The following LARGE1 variants were observed in gnomAD, a reference collection of about 807,000 sequenced individuals.
The protein encoded by LARGE1 is xylosyl- and glucuronyltransferase LARGE1.
LARGE1 carries 43 observed loss-of-function variants against 87.6 expected under a neutral mutation model. That is an observed-to-expected ratio of 0.49 (90% CI 0.38 to 0.63). The LOEUF is 0.63. Ranked by LOEUF, LARGE1 falls within the 30% of genes least tolerant of loss-of-function variation. The probability of loss-of-function intolerance (pLI) is 0.00; values close to 1 mark genes in which losing one functional copy is unlikely to be tolerated. For synonymous variants in LARGE1, 434 were observed against 394.6 expected (o/e 1.10, Z -1.18); for missense variants, 802 against 1,000.2 (o/e 0.80, Z 2.67).
chr22:33,410,464 G>A (rs1002168733), intron 7 of LARGE1, among the ~76,000 whole-genome samples: 6 of 151,988 alleles, frequency 3.9e-5, no homozygotes, highest in African/African-American at 1.5e-4. Context: ...TCGTGACAGT[G>A]AGTGAGTTCT....
At chr22:33,611,223 T>C (rs2079418743) in intron 4 of LARGE1, among the ~76,000 whole-genome samples, 1 of 140,306 alleles carries the variant, frequency 7.1e-6, no homozygotes, top group African/African-American at 2.7e-5. Flanking sequence ...CATTCTAGAA[T>C]GGTAGATCCA....
At chr22:33,283,943 GGAAAA>G (rs1160612048) in intron 12 of LARGE1, among the ~76,000 whole-genome samples, 2 of 151,724 alleles carry the variant, frequency 1.3e-5, no homozygotes, top group African/African-American at 4.8e-5. Flanking sequence ...AGAAAGAAAA[GGAAAA>G]GAAAAGAAGA....
At chr22:33,510,094 T>G (rs2070982829) in intron 6 of LARGE1, among the ~76,000 whole-genome samples, 1 of 152,176 alleles carries the variant, frequency 6.6e-6, no homozygotes, top group African/African-American at 2.4e-5. Flanking sequence ...GAGCTCATTA[T>G]TCTACTTAAT....
intron 6 of LARGE1, among the ~76,000 whole-genome samples, chr22:33,556,519 G>A (rs1223302300): frequency 2.7e-5 from 2 of 74,520 alleles, no homozygotes; most frequent in African/African-American, 5.6e-5. Flanking sequence ...AGGAAGGAAG[G>A]GAGGGAGGGA....
intron 1 of LARGE1, among the ~76,000 whole-genome samples, chr22:33,850,453 C>T (rs1417433219): frequency 2.6e-5 from 4 of 152,138 alleles, no homozygotes; most frequent in South Asian, 2.1e-4. Flanking sequence ...TCTAGGTTTC[C>T]GCCTCCTCAT....
At chr22:33,622,613 G>A (rs2079790070) in intron 4 of LARGE1, among the ~76,000 whole-genome samples, 1 of 152,156 alleles carries the variant, frequency 6.6e-6, no homozygotes, top group Non-Finnish European at 1.5e-5. Context: ...TGACCAGCCT[G>A]TTGCCACTGG....
chr22:33,373,631 T>C (rs2064892089), intron 9 of LARGE1, among the ~76,000 whole-genome samples: 1 of 144,056 alleles, frequency 6.9e-6, no homozygotes, highest in South Asian at 2.1e-4. Context: ...CATTCCTTCC[T>C]GTAACTGTTT....
chr22:33,109,437 C>T, the LARGE1 span, among the ~76,000 whole-genome samples: 903 of 152,216 alleles, frequency 5.9e-3, 3 homozygotes, highest in Middle Eastern at 0.02. Flanking sequence ...GTGATCTTCC[C>T]GTCTCAGCCT....
chr22:33,460,764 G>A (rs1276760143), intron 6 of LARGE1, among the ~76,000 whole-genome samples: 1 of 152,156 alleles, frequency 6.6e-6, no homozygotes, highest in African/African-American at 2.4e-5. Flanking sequence ...CGTAAAGACA[G>A]GATCCCCCAG....
chr22:33,832,843 A>G (rs2063010530), intron 1 of LARGE1, among the ~76,000 whole-genome samples: 1 of 152,250 alleles, frequency 6.6e-6, no homozygotes, highest in Non-Finnish European at 1.5e-5. Context: ...ATCTATGTCC[A>G]GTATACAGTA....
chr22:33,313,891 G>A (rs1018320485), intron 11 of LARGE1, among the ~76,000 whole-genome samples: 2 of 152,184 alleles, frequency 1.3e-5, no homozygotes, highest in African/African-American at 4.8e-5. Context: ...GGTAACAAAG[G>A]TGTACTTTTT....
chr22:33,789,142 C>T (rs185142940), intron 1 of LARGE1, among the ~76,000 whole-genome samples: 1 of 152,130 alleles, frequency 6.6e-6, no homozygotes, highest in Admixed American at 6.5e-5. Flanking sequence ...AGGCCCAGGG[C>T]CTTGCTGCTT....
chr22:33,554,899 A>G (rs762059), intron 6 of LARGE1, among the ~76,000 whole-genome samples: 68,168 of 152,048 alleles, frequency 0.45, 15,754 homozygotes, highest in Admixed American at 0.51. Flanking sequence ...TCTATGTGTC[A>G]GGCACTGTTC....
At chr22:33,653,502 A>C (rs1237603043) in intron 2 of LARGE1, among the ~76,000 whole-genome samples, 1 of 152,194 alleles carries the variant, frequency 6.6e-6, no homozygotes, top group Non-Finnish European at 1.5e-5. Flanking sequence ...CTAGAAAATT[A>C]ACAAATGGGA....
intron 1 of LARGE1, among the ~76,000 whole-genome samples, chr22:33,797,019 C>T (rs947815824): frequency 5.3e-5 from 8 of 152,146 alleles, no homozygotes; most frequent in African/African-American, 1.9e-4. Flanking sequence ...CTGCCTCAGC[C>T]TCCCAAAGTG....
At chr22:33,471,362 C>G (rs2068834731) in intron 6 of LARGE1, among the ~76,000 whole-genome samples, 1 of 151,464 alleles carries the variant, frequency 6.6e-6, no homozygotes, top group South Asian at 2.1e-4. Context: ...CTTCTAACAA[C>G]AAGATATTGA....
chr22:33,311,203 G>A (rs1935553258), intron 11 of LARGE1, among the ~76,000 whole-genome samples: 1 of 152,028 alleles, frequency 6.6e-6, no homozygotes, highest in South Asian at 2.1e-4. Flanking sequence ...CTTGTGATCT[G>A]CCTGCCTCAG....
chr22:33,690,836 C>T (rs1180753537), intron 2 of LARGE1, among the ~76,000 whole-genome samples: 1 of 152,110 alleles, frequency 6.6e-6, no homozygotes, highest in South Asian at 2.1e-4. Flanking sequence ...GCTGTTCTGC[C>T]TACATGCCTG....
chr22:33,298,200 C>G (rs1933616557), intron 12 of LARGE1, among the ~76,000 whole-genome samples: 1 of 152,096 alleles, frequency 6.6e-6, no homozygotes, highest in South Asian at 2.1e-4. Context: ...TCCTGTATCT[C>G]TCAGCCTCGT....
Sources: gnomAD v4.1 joint callset for allele counts (sites outside exome capture counted in the v4.1 genomes callset) on GRCh38, gnomAD v4.1.1 for gene constraint, MANE v1.5 for transcripts, NCBI Gene and HGNC (gene_info 2026-07-23, HGNC 2026-07-21) for gene names.